The following PCDHA4 variants were observed in gnomAD, a reference collection of about 807,000 sequenced individuals.
PCDHA4 encodes protocadherin alpha-4.
Under a neutral mutation model 61.4 loss-of-function variants are expected in PCDHA4, and 49 were observed. That is an observed-to-expected ratio of 0.80 (90% CI 0.63 to 1.01). The LOEUF is 1.01. Ranked by LOEUF, PCDHA4 falls within the 50% of genes least tolerant of loss-of-function variation. PCDHA4 has a pLI of 0.00. For missense variants in PCDHA4, 1,254 were observed against 1,235.8 expected, an observed-to-expected ratio of 1.01 and a Z score of -0.22; for synonymous variants, 590 against 550.3, an observed-to-expected ratio of 1.07 and a Z score of -1.01.
At position 140,842,875 on chromosome 5, in the gene PCDHA4, C is replaced by T. The variant is rs2150347019; in HGVS notation, c.2385+33303C>T. ...TGCACACGGAGAGCGGCAAGGTGTA[C>T]GCGCTGCAGCCGCTGGACCACGAGG... is the stretch of plus-strand genomic sequence containing the variant. On this transcript the variant is annotated intron_variant, in intron 1 of 3. Transcript: ENST00000530339. 2.5e-6 allele frequency: 4 copies of T among 1,593,864 alleles called. No homozygotes were observed. In the African/African-American group the frequency reaches 4.0e-5, roughly 16 times the overall value.
chr5:140,933,938 T>C (rs1275274532), intron 1 of PCDHA4, among the ~76,000 whole-genome samples: 1 of 152,108 alleles, frequency 6.6e-6, no homozygotes, highest in Non-Finnish European at 1.5e-5. Context: ...TGACTTTTTT[T>C]CACATCTGCA....
In PCDHA4 at chr5:141,011,628, A is replaced by G. The variant is rs568783669; in HGVS notation, c.*1691A>G. On this transcript the variant is annotated 3_prime_UTR_variant, in exon 4 of 4. Coordinates refer to ENST00000530339, the MANE Select transcript of PCDHA4 (RefSeq NM_018907.4). ...TTTATTTATGGTCCAGCCAAGAGCC[A>G]TCTCGTGCCAAGACTTCTGCTGGCA... is the stretch of plus-strand genomic sequence containing the variant. The G allele has an allele frequency of 6.5e-6, 1 of 153,882 alleles. No homozygotes were observed. Among genetic ancestry groups the G allele is most frequent in the East Asian group, 1.9e-4 (1 of 5,186 alleles). 9.5% of individuals were successfully genotyped at this position (153,882 alleles called of 1,614,324 possible).
chr5:140,992,418 A>G (rs2097510878), intron 3 of PCDHA4, among the ~76,000 whole-genome samples: 1 of 152,164 alleles, frequency 6.6e-6, no homozygotes, highest in South Asian at 2.1e-4. Flanking sequence ...CCCCAGGTCT[A>G]AGAATATTGT....
At chr5:140,901,583 T>A (rs530803677) in intron 1 of PCDHA4, among the ~76,000 whole-genome samples, 6 of 152,222 alleles carry the variant, frequency 3.9e-5, no homozygotes, top group Non-Finnish European at 8.8e-5. Flanking sequence ...GCCAGTGCCA[T>A]GATGTTTTGG....
In PCDHA4 at chr5:140,807,974, A is replaced by G. The variant is rs533157814; in HGVS notation, c.787A>G (p.Lys263Glu). Residue 263 changes from lysine to glutamate, a missense_variant, in exon 1 of 4, where the codon AAA (lysine) becomes GAA (glutamate). Lys to Glu is a moderately conservative substitution (Grantham distance 56). Transcript: ENST00000530339. ...TGTTCCTAATGGAACATTGGTAATTAAACTTAACGCCTCAGATTTAGACGA... is the reference window on the plus strand; with the variant it reads ...TGTTCCTAATGGAACATTGGTAATTGAACTTAACGCCTCAGATTTAGACGA... ...ENVPNGTLVI[K>E]LNASDLDEGL... 67 of 1,613,856 alleles carry G rather than the reference A, an allele frequency of 4.2e-5. 1 individual carries two copies. In the South Asian group the frequency reaches 7.0e-4, roughly 17 times the overall value.
chr5:140,823,159 T>C, intron 1 of PCDHA4: 2 of 1,613,740 alleles, frequency 1.2e-6, no homozygotes, highest in Non-Finnish European at 1.7e-6. Flanking sequence ...GTATACCGTG[T>C]TCGTGAAGGA....
chr5:140,924,036 C>A (rs2081633869), intron 1 of PCDHA4, among the ~76,000 whole-genome samples: 1 of 152,162 alleles, frequency 6.6e-6, no homozygotes, highest in African/African-American at 2.4e-5. Context: ...TGGCTGCAGA[C>A]CTAAAAGTTC....
At chr5:140,967,189 C>T (rs1554229286) in intron 1 of PCDHA4, 2 of 1,613,522 alleles carry the variant, frequency 1.2e-6, no homozygotes, top group Admixed American at 1.7e-5. Flanking sequence ...TATTGGACAT[C>T]AACGACAACT....
intron 1 of PCDHA4, chr5:140,871,323 CT>C (rs2052977645): frequency 6.2e-7 from 1 of 1,614,102 alleles, no homozygotes; most frequent in Non-Finnish European, 8.5e-7. Context: ...CGCTGGTGTG[CT>C]CCCGCGCGGT....
intron 1 of PCDHA4, among the ~76,000 whole-genome samples, chr5:140,913,435 C>T (rs2153526525): frequency 6.6e-6 from 1 of 152,202 alleles, no homozygotes; most frequent in South Asian, 2.1e-4. Context: ...GTAATGCCTC[C>T]TTTTTCAGCT....
intron 1 of PCDHA4, chr5:140,835,853 G>C (rs2150246654): frequency 1.2e-6 from 2 of 1,612,274 alleles, no homozygotes; most frequent in South Asian, 2.2e-5. Flanking sequence ...ACGCGCTGGT[G>C]TCCTACTCGC....
intron 1 of PCDHA4, among the ~76,000 whole-genome samples, chr5:140,936,969 A>G (rs1391736933): frequency 2.0e-5 from 3 of 152,202 alleles, no homozygotes; most frequent in African/African-American, 7.2e-5. Context: ...ATCTATAAAA[A>G]TATGAAGCTT....
At chr5:140,962,169 C>T (rs2095662298) in intron 1 of PCDHA4, among the ~76,000 whole-genome samples, 1 of 152,152 alleles carries the variant, frequency 6.6e-6, no homozygotes, top group Non-Finnish European at 1.5e-5. Flanking sequence ...GCCACCACAC[C>T]CGGCCACTTA....
At chr5:141,009,455 A>G in intron 3 of PCDHA4, 172 bp from the exon 4 acceptor site, 1 of 946,862 alleles carries the variant, frequency 1.1e-6, no homozygotes, top group Non-Finnish European at 1.3e-6. Flanking sequence ...AAAAAATTAA[A>G]CAAATAAATA....
intron 1 of PCDHA4, chr5:140,850,430 G>C (rs1346427061): frequency 1.9e-6 from 3 of 1,597,884 alleles, no homozygotes; most frequent in Non-Finnish European, 1.7e-6. Context: ...CACCGCGCCA[G>C]CGCCTACTGG....
chr5:140,942,497 G>A (rs189402882), intron 1 of PCDHA4, among the ~76,000 whole-genome samples: 1 of 152,040 alleles, frequency 6.6e-6, no homozygotes, highest in Admixed American at 6.6e-5. Context: ...TAAATACATG[G>A]TATCTAGGAA....
rs1444375886 is a variant in PCDHA4, at chr5:140,807,165, G to A, written c.-23G>A. On this transcript the variant is annotated 5_prime_UTR_variant, in exon 1 of 4. Coordinates refer to ENST00000530339, the MANE Select transcript of PCDHA4 (RefSeq NM_018907.4). ...GACTTTGAGAAACGATATTTAATCA[G>A]AACAAAATACTGTGCACTAAAGATG... 1 of 1,603,928 alleles carries A rather than the reference G, an allele frequency of 6.2e-7. No homozygotes were observed. Among genetic ancestry groups the A allele is most frequent in the Non-Finnish European group, 8.5e-7 (1 of 1,175,176 alleles).
intron 1 of PCDHA4, among the ~76,000 whole-genome samples, chr5:140,956,511 T>C (rs1293826895): frequency 1.3e-5 from 2 of 152,218 alleles, no homozygotes. Flanking sequence ...TACTTGATCA[T>C]GGTGAATAAG....
chr5:140,810,014 C>T (rs1474813044), intron 1 of PCDHA4: 2 of 155,844 alleles, frequency 1.3e-5, no homozygotes, highest in Non-Finnish European at 2.8e-5. Context: ...ATTTTTCCTC[C>T]AGTGTAACCG....
Sources: allele counts gnomAD v4.1 joint callset (sites outside exome capture counted in the v4.1 genomes callset), GRCh38; gene constraint gnomAD v4.1.1; transcripts MANE v1.5; gene names NCBI Gene and HGNC (gene_info 2026-07-23, HGNC 2026-07-21).